TTC28: variants seen among roughly 807,000 people sequenced by gnomAD.
TTC28 encodes the protein tetratricopeptide repeat protein 28.
TTC28 carries 61 observed loss-of-function variants against 198.0 expected under a neutral mutation model. The observed-to-expected ratio is 0.31, with a 90% CI of 0.25 to 0.38. TTC28 has a LOEUF of 0.38. Ranked by LOEUF, TTC28 falls within the 10% of genes least tolerant of loss-of-function variation. TTC28 has a pLI of 1.00. For missense variants in TTC28, 2,678 were observed against 3,164.0 expected, an observed-to-expected ratio of 0.85 and a Z score of 3.69; for synonymous variants, 1,171 against 1,297.8, an observed-to-expected ratio of 0.90 and a Z score of 2.10.
At chr22:28,297,164 T>G (rs1379576004) in intron 4 of TTC28, among the ~76,000 whole-genome samples, 2 of 152,176 alleles carry the variant, frequency 1.3e-5, no homozygotes, top group Non-Finnish European at 2.9e-5. Flanking sequence ...AAGACCTGAA[T>G]AGTCTAAAAC....
intron 2 of TTC28, among the ~76,000 whole-genome samples, chr22:28,448,906 T>C (rs190043306): frequency 6.6e-6 from 1 of 152,276 alleles, no homozygotes; most frequent in African/African-American, 2.4e-5. Flanking sequence ...ATTTACTGAG[T>C]ACTCATTATG....
chr22:28,275,169 A>G (rs1004080022), intron 5 of TTC28, among the ~76,000 whole-genome samples: 1 of 152,168 alleles, frequency 6.6e-6, no homozygotes, highest in Non-Finnish European at 1.5e-5. Context: ...TTCAGTCCGC[A>G]TTACGGAAGT....
intron 2 of TTC28, among the ~76,000 whole-genome samples, chr22:28,446,708 G>A (rs1279499664): frequency 1.3e-5 from 2 of 152,112 alleles, no homozygotes; most frequent in Non-Finnish European, 2.9e-5. Flanking sequence ...AGAACCATAA[G>A]CCAATTAAAC....
chr22:28,525,654 T>C (rs1363111015), intron 2 of TTC28, among the ~76,000 whole-genome samples: 1 of 152,202 alleles, frequency 6.6e-6, no homozygotes, highest in Non-Finnish European at 1.5e-5. Context: ...TGAGGCTTCC[T>C]AAAAATAGGA....
intron 5 of TTC28, among the ~76,000 whole-genome samples, chr22:28,269,212 G>A (rs1349793316): frequency 2.0e-5 from 3 of 151,922 alleles, no homozygotes; most frequent in Non-Finnish European, 4.4e-5. Context: ...GGAGATGAAG[G>A]AACCATTACA....
In TTC28 at chr22:28,563,139, G is replaced by T. The variant is rs1485631344; in HGVS notation, c.381+66413C>A. Among the ~76,000 whole-genome samples, 4 of 151,728 alleles carry T rather than the reference G, an allele frequency of 2.6e-5. No homozygotes were observed. In the South Asian group the frequency reaches 8.3e-4, roughly 32 times the overall value. ...CTCTGCCTCAAAATAATAAGAAGAA[G>T]AATAAGATAGAAAAAATATACAAAA... is the stretch of plus-strand genomic sequence containing the variant. On this transcript the variant is annotated intron_variant, in intron 2 of 22. Coordinates refer to ENST00000397906, the MANE Select transcript of TTC28 (RefSeq NM_001145418.2).
chr22:28,363,374 C>T (rs2046189008), intron 2 of TTC28, among the ~76,000 whole-genome samples: 1 of 152,198 alleles, frequency 6.6e-6, no homozygotes, highest in African/African-American at 2.4e-5. Context: ...TTGGGAACCT[C>T]TTTCTAGATT....
intron 2 of TTC28, among the ~76,000 whole-genome samples, chr22:28,438,128 T>C (rs2047551770): frequency 6.6e-6 from 1 of 152,198 alleles, no homozygotes; most frequent in African/African-American, 2.4e-5. Context: ...ACAATACTTA[T>C]TTTTAAAGTC....
intron 12 of TTC28, among the ~76,000 whole-genome samples, chr22:28,043,638 TC>T (rs147939727): frequency 0.061 from 9,263 of 152,164 alleles, 403 homozygotes; most frequent in Admixed American, 0.13. Context: ...CCTTTAGTGT[TC>T]CAAGTTTGCC....
intron 5 of TTC28, among the ~76,000 whole-genome samples, chr22:28,264,178 T>C (rs756470098): frequency 2.0e-5 from 3 of 152,134 alleles, no homozygotes; most frequent in Non-Finnish European, 4.4e-5. Flanking sequence ...GGGCAGATTT[T>C]TCCCATGCTG....
intron 5 of TTC28, among the ~76,000 whole-genome samples, chr22:28,220,027 T>C (rs1270862985): frequency 6.6e-6 from 1 of 152,230 alleles, no homozygotes; most frequent in Non-Finnish European, 1.5e-5. Flanking sequence ...CTACTGCAGC[T>C]GCTGGATCCC....
chr22:28,588,448 T>G (rs1036081531), intron 2 of TTC28, among the ~76,000 whole-genome samples: 2 of 152,202 alleles, frequency 1.3e-5, no homozygotes, highest in African/African-American at 2.4e-5. Flanking sequence ...ATCAGAGGGC[T>G]GAGGTTGCAG....
At chr22:28,408,179 C>T (rs1365351699) in intron 2 of TTC28, among the ~76,000 whole-genome samples, 1 of 151,872 alleles carries the variant, frequency 6.6e-6, no homozygotes, top group Non-Finnish European at 1.5e-5. Flanking sequence ...CAATAAATAA[C>T]GTTTCTAAAA....
intron 2 of TTC28, among the ~76,000 whole-genome samples, chr22:28,484,949 C>G (rs1415875955): frequency 6.6e-6 from 1 of 152,154 alleles, no homozygotes; most frequent in Non-Finnish European, 1.5e-5. Context: ...ATAAACTGCT[C>G]TCCCTAGAAT....
At chr22:28,149,874 C>T (rs1943567569) in intron 6 of TTC28, among the ~76,000 whole-genome samples, 3 of 152,014 alleles carry the variant, frequency 2.0e-5, no homozygotes, top group African/African-American at 7.2e-5. Flanking sequence ...TTCAAAATTG[C>T]TAAAAGGGTA....
chr22:28,563,362 T>C (rs938134216), intron 2 of TTC28, among the ~76,000 whole-genome samples: 1 of 152,170 alleles, frequency 6.6e-6, no homozygotes, highest in Non-Finnish European at 1.5e-5. Flanking sequence ...TCAAAAGTCT[T>C]CTAAATTTCT....
rs187746267 is a variant in TTC28 at position 28,139,154 on chromosome 22, T to C, written c.1441+23938A>G. On this transcript the variant is annotated intron_variant, in intron 6 of 22. Coordinates refer to ENST00000397906, the MANE Select transcript of TTC28 (RefSeq NM_001145418.2). ...ATTTAATGATGCCTTCTGTGGATCA[T>C]GCATTGTGCTGGAGGACACAATCCT... Among the ~76,000 whole-genome samples the C allele has an allele frequency of 3.3e-5, 5 of 152,278 alleles. No homozygotes were observed. The East Asian group carries it at 9.7e-4, about 29-fold the overall frequency.
intron 3 of TTC28, 77 bp from the exon 4 acceptor site, chr22:28,297,929 C>G: frequency 7.0e-7 from 1 of 1,420,710 alleles, no homozygotes. Flanking sequence ...CTAATACGCT[C>G]TAGAAATAAA....
At chr22:28,333,174 A>G (rs2045643729) in intron 2 of TTC28, among the ~76,000 whole-genome samples, 1 of 152,146 alleles carries the variant, frequency 6.6e-6, no homozygotes, top group African/African-American at 2.4e-5. Flanking sequence ...AAAATCATTC[A>G]GATTTTCTTT....
Sources: gnomAD v4.1 joint callset for allele counts (sites outside exome capture counted in the v4.1 genomes callset) on GRCh38, gnomAD v4.1.1 for gene constraint, MANE v1.5 for transcripts, NCBI Gene and HGNC (gene_info 2026-07-23, HGNC 2026-07-21) for gene names.